ZBBX: variants seen among roughly 807,000 people sequenced by gnomAD.
ZBBX encodes the protein zinc finger B-box domain containing.
In ZBBX, 101 loss-of-function variants were observed where a neutral mutation model predicts 108.5. The observed-to-expected ratio is 0.93, with a 90% CI of 0.79 to 1.10. The LOEUF (loss-of-function observed/expected upper bound fraction) is 1.10. Ranked by LOEUF, ZBBX falls within the 50% of genes least tolerant of loss-of-function variation. The probability of loss-of-function intolerance (pLI) is 0.00; values close to 1 mark genes in which losing one functional copy is unlikely to be tolerated. For missense variants in ZBBX, 1,009 were observed against 941.4 expected (o/e 1.07, Z -0.94); for synonymous variants, 356 against 323.4 (o/e 1.10, Z -1.08).
intron 9 of ZBBX, among the ~76,000 whole-genome samples, chr3:167,341,443 T>G (rs778437579): frequency 6.6e-5 from 10 of 151,890 alleles, no homozygotes; most frequent in Non-Finnish European, 1.2e-4. Flanking sequence ...ATAAATGGAA[T>G]AGCTGAAAAA....
chr3:167,284,078 AT>A (rs1729283949), intron 19 of ZBBX, among the ~76,000 whole-genome samples: 1 of 152,042 alleles, frequency 6.6e-6, no homozygotes, highest in African/African-American at 2.4e-5. Context: ...AATAATTTTA[AT>A]TGAAATAAAA....
chr3:167,364,153 C>T (rs1243788389), intron 6 of ZBBX, among the ~76,000 whole-genome samples: 2 of 151,222 alleles, frequency 1.3e-5, no homozygotes, highest in Non-Finnish European at 3.0e-5. Flanking sequence ...TGTTTAGCAG[C>T]ACCCCTGGCC....
chr3:167,308,476 A>G (rs1453359929), intron 16 of ZBBX, among the ~76,000 whole-genome samples: 7 of 152,216 alleles, frequency 4.6e-5, no homozygotes, highest in Non-Finnish European at 8.8e-5. Context: ...CCAAAGGAAT[A>G]TAAATCATTC....
chr3:167,376,078 C>T (rs963355485), intron 2 of ZBBX, among the ~76,000 whole-genome samples: 2 of 152,146 alleles, frequency 1.3e-5, no homozygotes, highest in East Asian at 1.9e-4. Flanking sequence ...GAATCTACAG[C>T]AGGCGTCTCA....
At chr3:167,275,839 CA>C (rs1200364226) in intron 20 of ZBBX, among the ~76,000 whole-genome samples, 1 of 152,220 alleles carries the variant, frequency 6.6e-6, no homozygotes, top group Non-Finnish European at 1.5e-5. Flanking sequence ...CACAGACAAA[CA>C]AAAAGACAGC....
At chr3:167,261,808 G>A (rs914910742) in intron 20 of ZBBX, among the ~76,000 whole-genome samples, 4 of 151,472 alleles carry the variant, frequency 2.6e-5, no homozygotes, top group Non-Finnish European at 4.4e-5. Flanking sequence ...AAGTGGGGGC[G>A]GGGGCTTGGT....
chr3:167,260,773 TTC>T (rs1377997919), intron 20 of ZBBX, among the ~76,000 whole-genome samples: 3 of 152,236 alleles, frequency 2.0e-5, no homozygotes, highest in Non-Finnish European at 4.4e-5. Context: ...GGCTTCGCAT[TTC>T]TCTGGTTCCT....
chr3:167,273,194 T>C (rs139857168), intron 20 of ZBBX, among the ~76,000 whole-genome samples: 7 of 152,344 alleles, frequency 4.6e-5, no homozygotes, highest in African/African-American at 1.4e-4. Context: ...TAGCAGTAGA[T>C]GGTCTAAGGC....
chr3:167,181,472 C>G, the ZBBX span, among the ~76,000 whole-genome samples: 1 of 152,176 alleles, frequency 6.6e-6, no homozygotes, highest in Admixed American at 6.5e-5. Flanking sequence ...ATTGACCATG[C>G]GGAAGGCCAA....
intron 1 of ZBBX, among the ~76,000 whole-genome samples, chr3:167,407,254 T>C (rs1748614152): frequency 6.6e-6 from 1 of 152,162 alleles, no homozygotes; most frequent in Non-Finnish European, 1.5e-5. Context: ...GCATAAAATA[T>C]CTCAAGTGTA....
At chr3:167,235,985 G>A (rs531616925), downstream of ZBBX, among the ~76,000 whole-genome samples, 68 of 151,642 alleles carry the variant, frequency 4.5e-4, no homozygotes, top group African/African-American at 1.5e-3. Flanking sequence ...TAAATAACCG[G>A]GGGTGAAAAT....
At chr3:167,340,419 T>C (rs899398183) in intron 9 of ZBBX, among the ~76,000 whole-genome samples, 1 of 152,106 alleles carries the variant, frequency 6.6e-6, no homozygotes, top group Non-Finnish European at 1.5e-5. Flanking sequence ...GTAATTTTCA[T>C]ATAAAAAATA....
chr3:167,359,835 A>G (rs766126786), intron 8 of ZBBX, 35 bp downstream of exon 8: 3 of 1,064,816 alleles, frequency 2.8e-6, no homozygotes, highest in Admixed American at 2.5e-5. Flanking sequence ...TACCTACTAT[A>G]CAGTATATGT....
intron 4 of ZBBX, among the ~76,000 whole-genome samples, chr3:167,370,914 T>C (rs1746065687): frequency 6.6e-6 from 1 of 152,084 alleles, no homozygotes; most frequent in African/African-American, 2.4e-5. Context: ...GATATGAAAA[T>C]TAGAAAATAA....
the ZBBX span, among the ~76,000 whole-genome samples, chr3:167,188,026 A>T: frequency 1.5e-3 from 229 of 152,330 alleles, 1 homozygote; most frequent in Non-Finnish European, 4.4e-4. Context: ...CATTAAAGAC[A>T]AACAGGAAAA....
At chr3:167,191,823 A>C in the ZBBX span, among the ~76,000 whole-genome samples, 1 of 146,228 alleles carries the variant, frequency 6.8e-6, no homozygotes, top group Admixed American at 7.0e-5. Context: ...TTTCTCTAGT[A>C]GTACGCTTTA....
At chr3:167,342,346 T>C (rs1338291129) in intron 9 of ZBBX, among the ~76,000 whole-genome samples, 3 of 151,858 alleles carry the variant, frequency 2.0e-5, no homozygotes, top group African/African-American at 7.2e-5. Context: ...GTTAGACTAA[T>C]GATCTTTATG....
intron 20 of ZBBX, among the ~76,000 whole-genome samples, chr3:167,266,050 G>C (rs1394673147): frequency 6.6e-6 from 1 of 152,114 alleles, no homozygotes; most frequent in Non-Finnish European, 1.5e-5. Context: ...TTAAAACCAG[G>C]TACTGTGATT....
At chr3:167,370,866 A>G (rs1040508096) in intron 4 of ZBBX, among the ~76,000 whole-genome samples, 7 of 152,240 alleles carry the variant, frequency 4.6e-5, no homozygotes, top group Non-Finnish European at 1.0e-4. Context: ...TATTTTAAAT[A>G]TTATGCATCA....
Sources: gnomAD v4.1 joint callset for allele counts (sites outside exome capture counted in the v4.1 genomes callset) on GRCh38, gnomAD v4.1.1 for gene constraint, MANE v1.5 for transcripts, NCBI Gene and HGNC (gene_info 2026-07-23, HGNC 2026-07-21) for gene names.